The following CDC25C variants were observed in gnomAD, a reference collection of about 807,000 sequenced individuals.
CDC25C encodes cell division cycle 25C, also known as M-phase inducer phosphatase 3.
Under a neutral mutation model 52.5 loss-of-function variants are expected in CDC25C, and 48 were observed. The ratio of observed to expected loss-of-function variants is 0.91; its 90% CI spans 0.72 to 1.16. CDC25C has a LOEUF of 1.16. CDC25C is among the 50% of genes most tolerant of loss of function. CDC25C has a pLI of 0.00. For missense variants in CDC25C, 510 were observed against 566.1 expected (o/e 0.90, Z 1.01); for synonymous variants, 187 against 206.5 (o/e 0.91, Z 0.81).
chr5:138,288,483 G>A (rs1756445045), intron 10 of CDC25C, among the ~76,000 whole-genome samples: 1 of 152,120 alleles, frequency 6.6e-6, no homozygotes, highest in Non-Finnish European at 1.5e-5. Flanking sequence ...GATCACCAGA[G>A]GACAGGAGTT....
chr5:138,316,067 C>T (rs955477970), intron 7 of CDC25C, among the ~76,000 whole-genome samples: 2 of 152,200 alleles, frequency 1.3e-5, no homozygotes, highest in African/African-American at 2.4e-5. Context: ...GCTGCAGATC[C>T]GAGCCTCCCT....
chr5:138,315,315 T>G (rs564603267), intron 7 of CDC25C, among the ~76,000 whole-genome samples: 7 of 152,304 alleles, frequency 4.6e-5, no homozygotes, highest in Non-Finnish European at 8.8e-5. Flanking sequence ...AGTAAAAAAC[T>G]CCATCACAGG....
chr5:138,292,149 C>A, intron 7 of CDC25C, 33 bp from the exon 8 acceptor site: 1 of 1,594,120 alleles, frequency 6.3e-7, no homozygotes, highest in South Asian at 1.1e-5. Context: ...CTAGTTCTTA[C>A]TCCTCCAAGT....
chr5:138,336,546 C>T (rs1760718121), upstream of CDC25C, among the ~76,000 whole-genome samples: 1 of 152,154 alleles, frequency 6.6e-6, no homozygotes, highest in African/African-American at 2.4e-5. Context: ...ATATGCTGGG[C>T]ATGGTGGCAC....
Position 138,319,320 on chromosome 5 carries a change from T to G in CDC25C, c.514A>C (p.Thr172Pro). ...GGATTTTTATCCAATTTTGGAACAG[T>G]AGTAATGGGACTGCCCAAATATTTC... ...EMKYLGSPITTVPKLDKNPNL... is the reference protein window; with the variant it reads ...EMKYLGSPITPVPKLDKNPNL... The change falls in exon 7 of 14, where the codon ACT (threonine) becomes CCT (proline). Residue 172 changes from threonine to proline, a missense_variant. Physicochemically the swap from Thr to Pro is conservative, Grantham distance 38. Transcript: ENST00000323760. The G allele has an allele frequency of 1.2e-6, 2 of 1,613,414 alleles. No individual in the cohort carries two copies. Among genetic ancestry groups the G allele is most frequent in the Non-Finnish European group, 1.7e-6 (2 of 1,179,398 alleles).
intron 1 of CDC25C, chr5:138,337,542 T>TG (rs959975935): frequency 6.9e-5 from 14 of 204,268 alleles, no homozygotes; most frequent in African/African-American, 1.4e-4. Context: ...CTCATCCTGC[T>TG]GGGGGGGAGG....
At chr5:138,293,582 AC>A (rs1756918095) in intron 7 of CDC25C, among the ~76,000 whole-genome samples, 1 of 152,128 alleles carries the variant, frequency 6.6e-6, no homozygotes, top group Admixed American at 6.6e-5. Context: ...TCTAGAACAC[AC>A]CATAATAATT....
chr5:138,332,920 T>A (rs941208410), upstream of CDC25C, among the ~76,000 whole-genome samples: 28 of 152,204 alleles, frequency 1.8e-4, 1 homozygote, highest in African/African-American at 6.3e-4. Flanking sequence ...TGATACAAGA[T>A]TGACCCTGAC....
chr5:138,310,953 A>G (rs1758405400), intron 7 of CDC25C, among the ~76,000 whole-genome samples: 1 of 152,270 alleles, frequency 6.6e-6, no homozygotes, highest in Non-Finnish European at 1.5e-5. Flanking sequence ...ACAAAGCTGC[A>G]GTAAACAGTG....
intron 2 of CDC25C, among the ~76,000 whole-genome samples, chr5:138,330,493 G>A (rs1261819390): frequency 1.3e-5 from 2 of 152,082 alleles, no homozygotes; most frequent in African/African-American, 4.8e-5. Context: ...GATAGGAAGC[G>A]ATTATTATTT....
intron 7 of CDC25C, 23 bp downstream of exon 7, chr5:138,319,188 AATACAAAG>A (rs1344516204): frequency 6.4e-7 from 1 of 1,567,540 alleles, no homozygotes; most frequent in East Asian, 2.2e-5. Flanking sequence ...GAATATGAAG[AATACAAAG>A]ATACTACCAC....
At position 138,285,457 on chromosome 5, in the gene CDC25C, AAATC is replaced by A. The variant is rs1251449701; in HGVS notation, c.*231_*234del. 9.5e-6 allele frequency: 5 copies of A among 525,338 alleles called. No homozygotes were observed. Among genetic ancestry groups the A allele is most frequent in the Non-Finnish European group, 1.0e-5 (3 of 294,456 alleles). 32.5% of individuals were successfully genotyped at this position (525,338 alleles called of 1,614,324 possible). A position where few individuals can be genotyped will look rare whatever the true frequency, so the allele number is the denominator to read the frequency against. ...ATGCCAGAGTTCCCTGAACCAATAC[AAATC>A]TCTATGCAACTCAAGGCTGCCTTAT... On this transcript the variant is annotated 3_prime_UTR_variant, in exon 14 of 14. Coordinates refer to ENST00000323760, the MANE Select transcript of CDC25C (RefSeq NM_001790.5).
intron 2 of CDC25C, 69 bp from the exon 3 acceptor site, chr5:138,329,716 T>A: frequency 2.7e-6 from 2 of 742,588 alleles, no homozygotes; most frequent in Non-Finnish European, 4.5e-6. Context: ...AAAGATCATG[T>A]CATCCTCTTC....
At chr5:138,314,001 T>TTTC (rs1758672147) in intron 7 of CDC25C, among the ~76,000 whole-genome samples, 6 of 144,754 alleles carry the variant, frequency 4.1e-5, no homozygotes, top group Admixed American at 6.9e-5. Flanking sequence ...CTTTCTTTTT[T>TTTC]TTTTTTTTTT....
intron 7 of CDC25C, among the ~76,000 whole-genome samples, chr5:138,302,960 T>TGG (rs967851926): frequency 5.9e-5 from 9 of 151,520 alleles, no homozygotes; most frequent in African/African-American, 2.2e-4. Context: ...TCCCAGCTAC[T>TGG]TGGGGAGGCA....
At chr5:138,319,113 A>AT (rs1254288476) in intron 7 of CDC25C, 106 bp downstream of exon 7, 5 of 988,184 alleles carry the variant, frequency 5.1e-6, no homozygotes, top group Admixed American at 4.8e-5. Flanking sequence ...TTCACTAGTT[A>AT]TTTTTTTGCT....
chr5:138,294,010 T>C (rs1237780228), intron 7 of CDC25C, among the ~76,000 whole-genome samples: 1 of 148,542 alleles, frequency 6.7e-6, no homozygotes, highest in Admixed American at 6.9e-5. Flanking sequence ...AAAAATTGTC[T>C]CCGTTTTCTT....
intron 7 of CDC25C, among the ~76,000 whole-genome samples, chr5:138,297,499 T>C (rs908862057): frequency 3.9e-5 from 6 of 152,178 alleles, no homozygotes; most frequent in Non-Finnish European, 5.9e-5. Context: ...GATGCTGGAT[T>C]CATCAGGGCC....
At chr5:138,292,901 AC>A (rs1353252632) in intron 7 of CDC25C, among the ~76,000 whole-genome samples, 4 of 152,266 alleles carry the variant, frequency 2.6e-5, no homozygotes, top group Non-Finnish European at 4.4e-5. Flanking sequence ...TGAGATCTCT[AC>A]CTCTCACCTA....
Sources: gnomAD v4.1 joint callset for allele counts (sites outside exome capture counted in the v4.1 genomes callset) on GRCh38, gnomAD v4.1.1 for gene constraint, MANE v1.5 for transcripts, NCBI Gene and HGNC (gene_info 2026-07-23, HGNC 2026-07-21) for gene names.